Variants in FHIT observed in about 807,000 individuals in gnomAD.
The protein encoded by FHIT is fragile histidine triad diadenosine triphosphatase.
Under a neutral mutation model 17.9 loss-of-function variants are expected in FHIT, and 19 were observed. The ratio of observed to expected loss-of-function variants is 1.06; its 90% CI spans 0.74 to 1.56. The LOEUF (loss-of-function observed/expected upper bound fraction) is 1.56. FHIT is among the 40% of genes most tolerant of loss of function. FHIT has a pLI of 0.00. For missense variants in FHIT, 248 were observed against 189.2 expected (o/e 1.31, Z -1.82); for synonymous variants, 81 against 69.7 (o/e 1.16, Z -0.81).
intron 3 of FHIT, among the ~76,000 whole-genome samples, chr3:61,023,442 C>T (rs1008175001): frequency 1.3e-5 from 2 of 152,118 alleles, no homozygotes; most frequent in Non-Finnish European, 2.9e-5. Context: ...AGATTCAATG[C>T]CATCCCCATC....
intron 4 of FHIT, among the ~76,000 whole-genome samples, chr3:60,634,749 G>C (rs545405751): frequency 6.6e-6 from 1 of 152,188 alleles, no homozygotes. Context: ...TTAGAAACCC[G>C]AAGTGTTCCA....
In FHIT at chr3:60,793,953, A is replaced by G. The variant is rs932914759; in HGVS notation, c.-18+27966T>C. On this transcript the variant is annotated intron_variant, in intron 4 of 9. Transcript: ENST00000492590. Reference sequence around the variant, plus strand: ...AGGGCTCACAGATATGTTGAAAGGTACCAGGGCAGTGCTCCGACACCTTCT... The same window carrying G: ...AGGGCTCACAGATATGTTGAAAGGTGCCAGGGCAGTGCTCCGACACCTTCT... Among the ~76,000 whole-genome samples the G allele has an allele frequency of 6.0e-4, 91 of 152,324 alleles. 1 individual carries two copies. The highest frequency in any genetic ancestry group is 2.2e-3 in the African/African-American group (90 of 41,562).
At chr3:60,205,427 A>C (rs935553140) in intron 5 of FHIT, among the ~76,000 whole-genome samples, 1 of 152,232 alleles carries the variant, frequency 6.6e-6, no homozygotes, top group Non-Finnish European at 1.5e-5. Flanking sequence ...GCATCTTGGC[A>C]CAAGTATAAG....
At chr3:59,807,023 C>A (rs976938338) in intron 8 of FHIT, among the ~76,000 whole-genome samples, 3 of 152,130 alleles carry the variant, frequency 2.0e-5, no homozygotes, top group African/African-American at 7.2e-5. Context: ...GAATAGAAAT[C>A]TTCAGTGGGC....
rs143237709 is a variant in FHIT at position 60,497,357 on chromosome 3, T to A, written c.103+39503A>T. Reference sequence around the variant, plus strand: ...GAAGCATGTATGAAAATATGTTAAATTTTTTAAGAAGGACTGCCACATTAT... The same window carrying A: ...GAAGCATGTATGAAAATATGTTAAAATTTTTAAGAAGGACTGCCACATTAT... On this transcript the variant is annotated intron_variant, in intron 5 of 9. Transcript: ENST00000492590. Among the ~76,000 whole-genome samples the A allele has an allele frequency of 5.5e-3, 839 of 152,328 alleles. 5 individuals carry two copies. The highest frequency in any genetic ancestry group is 0.02 in the African/African-American group (815 of 41,572).
At chr3:60,243,803 T>C (rs1016612023) in intron 5 of FHIT, among the ~76,000 whole-genome samples, 3 of 152,120 alleles carry the variant, frequency 2.0e-5, no homozygotes, top group Non-Finnish European at 4.4e-5. Context: ...ACTTTAACTT[T>C]TTTGTTTTTT....
intron 7 of FHIT, among the ~76,000 whole-genome samples, chr3:59,988,056 T>G (rs1265811903): frequency 6.6e-6 from 1 of 152,042 alleles, no homozygotes; most frequent in Admixed American, 6.6e-5. Flanking sequence ...TTCACACATT[T>G]GGGAGGTTTA....
chr3:60,246,036 T>A (rs757540048), intron 5 of FHIT, among the ~76,000 whole-genome samples: 1 of 152,160 alleles, frequency 6.6e-6, no homozygotes, highest in African/African-American at 2.4e-5. Context: ...ATTCCCTTCA[T>A]AATTTTCTGC....
intron 5 of FHIT, among the ~76,000 whole-genome samples, chr3:60,048,053 T>C (rs76912881): frequency 0.016 from 2,442 of 152,356 alleles, 31 homozygotes; most frequent in Non-Finnish European, 0.024. Flanking sequence ...GGCTTGCAGA[T>C]GGTCTTCACC....
At chr3:60,571,100 G>A (rs2037363040) in intron 4 of FHIT, among the ~76,000 whole-genome samples, 1 of 152,004 alleles carries the variant, frequency 6.6e-6, no homozygotes, top group Non-Finnish European at 1.5e-5. Context: ...GGCCGAGGCA[G>A]GTAGATCACA....
intron 4 of FHIT, chr3:60,617,046 C>A: frequency 4.8e-6 from 1 of 209,134 alleles, no homozygotes; most frequent in Non-Finnish European, 1.0e-5. Flanking sequence ...GAAGTGGATA[C>A]TGACATGGCA....
intron 5 of FHIT, among the ~76,000 whole-genome samples, chr3:60,031,349 G>A (rs546512106): frequency 7.9e-5 from 12 of 152,166 alleles, no homozygotes; most frequent in Non-Finnish European, 1.5e-4. Flanking sequence ...GAGAAATGAG[G>A]AAACAAGGGT....
intron 5 of FHIT, among the ~76,000 whole-genome samples, chr3:60,351,301 G>T (rs1699383683): frequency 6.6e-6 from 1 of 152,142 alleles, no homozygotes. Context: ...CTTTCTCAAT[G>T]AAGGAAGCAA....
At chr3:60,382,137 C>A (rs930553523) in intron 5 of FHIT, among the ~76,000 whole-genome samples, 2 of 152,050 alleles carry the variant, frequency 1.3e-5, no homozygotes, top group African/African-American at 4.8e-5. Flanking sequence ...CAAGACCAGC[C>A]AATGGATTGT....
intron 5 of FHIT, among the ~76,000 whole-genome samples, chr3:60,532,245 C>G (rs181333823): frequency 2.4e-4 from 37 of 152,288 alleles, no homozygotes; most frequent in African/African-American, 8.2e-4. Context: ...CTCCTTATGC[C>G]ATTCAGAATA....
intron 7 of FHIT, among the ~76,000 whole-genome samples, chr3:59,979,394 C>T (rs557672175): frequency 2.4e-4 from 37 of 152,200 alleles, no homozygotes; most frequent in African/African-American, 8.9e-4. Flanking sequence ...TTTCCATCTC[C>T]AAGATTCAGG....
At chr3:61,072,004 C>T (rs930252588) in intron 2 of FHIT, among the ~76,000 whole-genome samples, 1 of 152,032 alleles carries the variant, frequency 6.6e-6, no homozygotes, top group Non-Finnish European at 1.5e-5. Flanking sequence ...TTAGATAGTC[C>T]CACCCCTCAT....
intron 3 of FHIT, among the ~76,000 whole-genome samples, chr3:60,864,024 T>C (rs1553753290): frequency 2.0e-5 from 3 of 152,140 alleles, no homozygotes; most frequent in East Asian, 1.9e-4. Context: ...CTCATAATCA[T>C]GGCAGAAGGT....
chr3:61,136,909 G>C lies in FHIT; in HGVS notation c.-164+63708C>G, dbSNP rs551863902. ...TGGATTGCAACCATGTGCAAAAACA[G>C]GTGTGTTTGAGGACAACTAGAAGAT... On this transcript the variant is annotated intron_variant, in intron 2 of 9. Transcript: ENST00000492590. Among the ~76,000 whole-genome samples the C allele has an allele frequency of 2.4e-4, 37 of 152,314 alleles. No individual in the cohort carries two copies. In the East Asian group the frequency reaches 5.6e-3, roughly 23 times the overall value.
Sources: allele counts gnomAD v4.1 joint callset (sites outside exome capture counted in the v4.1 genomes callset), GRCh38; gene constraint gnomAD v4.1.1; transcripts MANE v1.5; gene names NCBI Gene and HGNC (gene_info 2026-07-23, HGNC 2026-07-21).